The following RAD51B variants were observed in gnomAD, a reference collection of about 807,000 sequenced individuals.
RAD51B encodes DNA repair protein RAD51 homolog 2.
RAD51B carries 38 observed loss-of-function variants against 42.2 expected under a neutral mutation model. The observed-to-expected ratio is 0.90, with a 90% confidence interval of 0.70 to 1.18. The LOEUF is 1.18. Among genes scored for constraint, RAD51B ranks in the 50% most tolerant of loss-of-function variants. The pLI is 0.00. For synonymous variants in RAD51B, 154 were observed against 145.2 expected (o/e 1.06, Z -0.43); for missense variants, 373 against 400.7 (o/e 0.93, Z 0.59).
chr14:67,931,000 A>G (rs2044711225), intron 7 of RAD51B, among the ~76,000 whole-genome samples: 1 of 151,046 alleles, frequency 6.6e-6, no homozygotes, highest in African/African-American at 2.4e-5. Context: ...AGCTCACTGC[A>G]AGCTCCGCCG....
intron 7 of RAD51B, among the ~76,000 whole-genome samples, chr14:68,061,053 C>CTTTTTTTTT (rs755916680): frequency 5.9e-5 from 6 of 101,290 alleles, no homozygotes; most frequent in African/African-American, 7.7e-5. Context: ...TATTTGAGGT[C>CTTTTTTTTT]TTTTTTTTTT....
chr14:68,510,819 C>T (rs1356129719), intron 10 of RAD51B, among the ~76,000 whole-genome samples: 2 of 152,118 alleles, frequency 1.3e-5, no homozygotes, highest in Non-Finnish European at 2.9e-5. Context: ...CCTATAGTAC[C>T]TAGGATCATT....
At chr14:68,379,266 TATATC>T (rs2083432656) in intron 8 of RAD51B, among the ~76,000 whole-genome samples, 2 of 152,224 alleles carry the variant, frequency 1.3e-5, no homozygotes, top group African/African-American at 4.8e-5. Context: ...TAAAATAAAT[TATATC>T]ATTAATTAAA....
At chr14:68,418,676 C>T (rs544846617) in intron 9 of RAD51B, among the ~76,000 whole-genome samples, 67 of 152,236 alleles carry the variant, frequency 4.4e-4, no homozygotes, top group Non-Finnish European at 6.2e-4. Flanking sequence ...GAAACAACAT[C>T]GGAAACAGCT....
At chr14:68,558,586 T>G (rs775151240) in intron 10 of RAD51B, among the ~76,000 whole-genome samples, 23 of 152,136 alleles carry the variant, frequency 1.5e-4, no homozygotes, top group Non-Finnish European at 2.9e-4. Context: ...GCTGCCCCAC[T>G]CCCGTCACTG....
chr14:67,967,563 G>A (rs1201575777), intron 7 of RAD51B, among the ~76,000 whole-genome samples: 2 of 152,162 alleles, frequency 1.3e-5, no homozygotes, highest in Admixed American at 6.5e-5. Context: ...AAAACAAAGG[G>A]GCTACAGGGC....
chr14:68,396,325 T>A (rs1028626121), intron 8 of RAD51B, among the ~76,000 whole-genome samples: 1 of 152,232 alleles, frequency 6.6e-6, no homozygotes, highest in East Asian at 1.9e-4. Flanking sequence ...ACATTACAGA[T>A]GAAAACATGG....
At chr14:68,650,792 A>G (rs1373257594) in exon 11 of RAD51B, 1 of 760,368 alleles carries the variant, frequency 1.3e-6, no homozygotes, top group African/African-American at 1.7e-5. Context: ...ATTTTGGCAC[A>G]TTTGCATATC....
rs371241930 is a variant in RAD51B, at chr14:68,616,684, C to G, written c.1037-34097C>G. Among the ~76,000 whole-genome samples the G allele has an allele frequency of 1.1e-3, 160 of 151,976 alleles. 1 individual carries two copies. The highest frequency in any genetic ancestry group is 3.5e-3 in the African/African-American group (145 of 41,454). On this transcript the variant is annotated intron_variant, in intron 10 of 11. Transcript: ENST00000488612. ...TGATTTTTGTCAAAAATTTGTTCTC[C>G]CTCTTTTTTCTTTTTCAATTATACA... is the stretch of plus-strand genomic sequence containing the variant.
intron 10 of RAD51B, among the ~76,000 whole-genome samples, chr14:68,637,689 G>A (rs1489992877): frequency 6.6e-6 from 1 of 152,252 alleles, no homozygotes; most frequent in Non-Finnish European, 1.5e-5. Flanking sequence ...GTCAAGACAG[G>A]ATGTGAATAA....
At chr14:68,657,027 G>A (rs1343300435) in intron 11 of RAD51B, among the ~76,000 whole-genome samples, 3 of 152,188 alleles carry the variant, frequency 2.0e-5, no homozygotes, top group Non-Finnish European at 4.4e-5. Flanking sequence ...TGCTGCCTTT[G>A]ACTTTCTACA....
intron 7 of RAD51B, among the ~76,000 whole-genome samples, chr14:68,012,454 A>G (rs1394999198): frequency 6.6e-6 from 1 of 152,024 alleles, no homozygotes. Flanking sequence ...ATCTAGAGAG[A>G]GCGAGAGAGG....
At chr14:68,563,729 G>A (rs1487661797) in intron 10 of RAD51B, 1 of 985,338 alleles carries the variant, frequency 1.0e-6, no homozygotes, top group Non-Finnish European at 1.2e-6. Flanking sequence ...GGGAACGAAA[G>A]AGGGAGAGGT....
At chr14:68,474,123 A>T (rs548629664) in intron 10 of RAD51B, among the ~76,000 whole-genome samples, 2 of 152,288 alleles carry the variant, frequency 1.3e-5, no homozygotes, top group Non-Finnish European at 2.9e-5. Context: ...TACTTATGGA[A>T]ATTTTGATTA....
At position 68,224,891 on chromosome 14, in the gene RAD51B, C is replaced by G. The variant is rs993940023; in HGVS notation, c.757-66993C>G. ...TATTTTTAGTAGAGACGGGGTTTCA[C>G]CATCTTGACCAGGCTGGTCTTGAAC... On this transcript the variant is annotated intron_variant, in intron 7 of 10. Coordinates refer to ENST00000471583, the MANE Select transcript of RAD51B (RefSeq NM_133510.4). 3.9e-5 allele frequency among the ~76,000 whole-genome samples: 6 copies of G among 152,160 alleles called. No individual in the cohort carries two copies. The East Asian group carries it at 1.2e-3, about 29-fold the overall frequency.
At chr14:67,858,987 G>A (rs889555055) in intron 4 of RAD51B, among the ~76,000 whole-genome samples, 2 of 152,164 alleles carry the variant, frequency 1.3e-5, no homozygotes, top group Non-Finnish European at 2.9e-5. Context: ...CCAAAGCAGG[G>A]TATGTAAAAT....
intron 7 of RAD51B, among the ~76,000 whole-genome samples, chr14:67,959,978 G>A (rs1055919770): frequency 1.3e-5 from 2 of 152,044 alleles, no homozygotes; most frequent in African/African-American, 4.8e-5. Flanking sequence ...TCAGCTGCTT[G>A]GGAGGCTGAG....
intron 8 of RAD51B, among the ~76,000 whole-genome samples, chr14:68,408,534 G>T (rs3784120): frequency 0.25 from 37,633 of 152,006 alleles, 5,188 homozygotes; most frequent in East Asian, 0.44. Context: ...GTGGAGCCAT[G>T]CCATGTAGAG....
At chr14:68,077,825 G>A (rs768435199) in intron 7 of RAD51B, among the ~76,000 whole-genome samples, 2 of 152,144 alleles carry the variant, frequency 1.3e-5, no homozygotes, top group Admixed American at 6.5e-5. Flanking sequence ...GTGTCGTGGC[G>A]CAAGCCTGTA....
Sources: allele counts gnomAD v4.1 joint callset (sites outside exome capture counted in the v4.1 genomes callset), GRCh38; gene constraint gnomAD v4.1.1; transcripts MANE v1.5; gene names NCBI Gene and HGNC (gene_info 2026-07-23, HGNC 2026-07-21).